Variants in PTPRT observed in about 807,000 individuals in gnomAD.
The protein encoded by PTPRT is protein tyrosine phosphatase receptor type T, also known as receptor-type tyrosine-protein phosphatase T.
In PTPRT, 56 loss-of-function variants were observed where a neutral mutation model predicts 176.8. That is an observed-to-expected ratio of 0.32 (90% CI 0.26 to 0.40). The LOEUF (loss-of-function observed/expected upper bound fraction) is 0.40. Among genes scored for constraint, PTPRT ranks in the 10% least tolerant of loss-of-function variants. The probability of loss-of-function intolerance (pLI) is 1.00; values close to 1 mark genes in which losing one functional copy is unlikely to be tolerated. For missense variants in PTPRT, 1,540 were observed against 1,908.2 expected (o/e 0.81, Z 3.60); for synonymous variants, 783 against 739.0 (o/e 1.06, Z -0.96).
At chr20:43,183,908 G>C (rs1164831421) in intron 1 of PTPRT, among the ~76,000 whole-genome samples, 2 of 152,196 alleles carry the variant, frequency 1.3e-5, no homozygotes, top group Non-Finnish European at 2.9e-5. Context: ...AGGGATGATG[G>C]ACATCTGGAT....
chr20:42,177,139 T>C (rs1990327567), intron 16 of PTPRT, among the ~76,000 whole-genome samples: 1 of 152,196 alleles, frequency 6.6e-6, no homozygotes, highest in Non-Finnish European at 1.5e-5. Flanking sequence ...GTAATGTACA[T>C]ATCTAGAGAT....
chr20:42,970,240 T>C (rs1982545975), intron 1 of PTPRT, among the ~76,000 whole-genome samples: 1 of 152,184 alleles, frequency 6.6e-6, no homozygotes, highest in South Asian at 2.1e-4. Context: ...AATGCTTTAT[T>C]AATATAAATC....
chr20:42,291,988 G>T (rs2147090141), intron 12 of PTPRT, among the ~76,000 whole-genome samples: 1 of 152,238 alleles, frequency 6.6e-6, no homozygotes, highest in East Asian at 1.9e-4. Flanking sequence ...GAAGGTGGTG[G>T]TATAGTCGAA....
chr20:43,003,554 G>A (rs945526921), intron 1 of PTPRT, among the ~76,000 whole-genome samples: 7 of 152,146 alleles, frequency 4.6e-5, no homozygotes, highest in African/African-American at 1.7e-4. Context: ...TGTCGGCCCT[G>A]AGCCAGCAAC....
intron 3 of PTPRT, among the ~76,000 whole-genome samples, chr20:42,785,970 G>A (rs1468134430): frequency 6.6e-6 from 1 of 152,196 alleles, no homozygotes; most frequent in African/African-American, 2.4e-5. Context: ...AGACGAACGT[G>A]GTGGGAGGTG....
intron 1 of PTPRT, among the ~76,000 whole-genome samples, chr20:42,933,774 A>T (rs1042092856): frequency 7.9e-5 from 12 of 152,190 alleles, no homozygotes; most frequent in African/African-American, 2.9e-4. Context: ...AGTGGCTTCA[A>T]GTCAGAAGAA....
the PTPRT span, among the ~76,000 whole-genome samples, chr20:42,035,374 T>C: frequency 6.6e-6 from 1 of 152,126 alleles, no homozygotes; most frequent in East Asian, 1.9e-4. Flanking sequence ...CTAGGCTGTT[T>C]ACAAAATATA....
At chr20:42,297,482 T>A (rs1273182105) in intron 12 of PTPRT, among the ~76,000 whole-genome samples, 3 of 152,180 alleles carry the variant, frequency 2.0e-5, no homozygotes, top group South Asian at 4.1e-4. Context: ...TGTATAAATT[T>A]AATGCAATCC....
At chr20:43,047,125 G>A (rs540723165) in intron 1 of PTPRT, among the ~76,000 whole-genome samples, 4 of 144,504 alleles carry the variant, frequency 2.8e-5, no homozygotes, top group East Asian at 2.2e-4. Flanking sequence ...TGTTTTCCCC[G>A]ATTCGCCCTC....
intron 9 of PTPRT, among the ~76,000 whole-genome samples, chr20:42,374,975 T>C (rs1473864158): frequency 2.0e-5 from 3 of 152,158 alleles, no homozygotes; most frequent in Non-Finnish European, 4.4e-5. Context: ...TAATATACTA[T>C]TACAAATAAG....
intron 1 of PTPRT, among the ~76,000 whole-genome samples, chr20:43,009,419 A>G (rs1985012061): frequency 6.6e-6 from 1 of 152,156 alleles, no homozygotes; most frequent in Non-Finnish European, 1.5e-5. Flanking sequence ...CCAGAGTGTT[A>G]TGGGCCATGA....
chr20:42,970,564 G>A (rs1254488547), intron 1 of PTPRT, among the ~76,000 whole-genome samples: 6 of 152,126 alleles, frequency 3.9e-5, no homozygotes, highest in African/African-American at 7.2e-5. Context: ...TGGGGGTAAT[G>A]CTAGCACCCC....
At chr20:42,941,824 T>C (rs1419068920) in intron 1 of PTPRT, among the ~76,000 whole-genome samples, 1 of 152,196 alleles carries the variant, frequency 6.6e-6, no homozygotes, top group Non-Finnish European at 1.5e-5. Flanking sequence ...AAAATTATGC[T>C]GATGTCAAAC....
chr20:42,162,284 G>A (rs551845405), intron 16 of PTPRT, among the ~76,000 whole-genome samples: 12 of 152,240 alleles, frequency 7.9e-5, no homozygotes, highest in Middle Eastern at 3.4e-3. Flanking sequence ...TACTTTCCCC[G>A]GGCCTGGATG....
intron 15 of PTPRT, among the ~76,000 whole-genome samples, chr20:42,230,999 G>A (rs2056123045): frequency 6.6e-6 from 1 of 152,144 alleles, no homozygotes; most frequent in Admixed American, 6.6e-5. Context: ...GCAGCTCAGT[G>A]CCCTCAGCTC....
chr20:42,412,115 TA>T (rs2059024918), intron 9 of PTPRT, among the ~76,000 whole-genome samples: 1 of 152,030 alleles, frequency 6.6e-6, no homozygotes, highest in Non-Finnish European at 1.5e-5. Context: ...GTCAAAAAGA[TA>T]AAAAGAGATG....
intron 16 of PTPRT, among the ~76,000 whole-genome samples, chr20:42,186,175 G>T (rs1202845790): frequency 1.3e-5 from 2 of 151,966 alleles, no homozygotes; most frequent in African/African-American, 4.8e-5. Flanking sequence ...AAACATTTCT[G>T]TCAAAGACCA....
intron 11 of PTPRT, among the ~76,000 whole-genome samples, chr20:42,330,009 T>G (rs142928139): frequency 2.0e-5 from 3 of 152,226 alleles, no homozygotes; most frequent in Non-Finnish European, 2.9e-5. Context: ...CATGGCATAA[T>G]CTATGCCTAA....
chr20:42,946,466 T>G (rs111411448), intron 1 of PTPRT, among the ~76,000 whole-genome samples: 4,117 of 152,324 alleles, frequency 0.027, 135 homozygotes, highest in African/African-American at 0.074. Flanking sequence ...CCCAAAAGTT[T>G]AAATTGTGCT....
Sources: gnomAD v4.1 joint callset for allele counts (sites outside exome capture counted in the v4.1 genomes callset) on GRCh38, gnomAD v4.1.1 for gene constraint, MANE v1.5 for transcripts, NCBI Gene and HGNC (gene_info 2026-07-23, HGNC 2026-07-21) for gene names.